NHSL2: variants seen among roughly 807,000 people sequenced by gnomAD.
NHSL2 encodes NHS like 2.
NHSL2 carries 27 observed loss-of-function variants against 53.4 expected under a neutral mutation model. That is an observed-to-expected ratio of 0.51 (90% CI 0.37 to 0.70). The LOEUF (loss-of-function observed/expected upper bound fraction) is 0.70. Among genes scored for constraint, NHSL2 ranks in the 30% least tolerant of loss-of-function variants. NHSL2 has a pLI of 0.00. For synonymous variants in NHSL2, 408 were observed against 404.1 expected, an observed-to-expected ratio of 1.01 and a Z score of -0.12; for missense variants, 892 against 980.1, an observed-to-expected ratio of 0.91 and a Z score of 1.20.
intron 1 of NHSL2, among the ~76,000 whole-genome samples, chrX:71,954,529 G>A (rs1470133811): frequency 4.5e-5 from 5 of 112,210 alleles, no homozygotes; most frequent in African/African-American, 1.3e-4. Context: ...AGCTGATTTT[G>A]CCCTAGTGAG....
intron 2 of NHSL2, 140 bp downstream of exon 2, chrX:72,132,374 C>G: frequency 5.3e-6 from 3 of 563,895 alleles, no homozygotes; most frequent in Non-Finnish European, 8.1e-6. Context: ...CAGTTTCCAG[C>G]TTTCACCTTT....
At chrX:72,131,253 G>A (rs966202483) in intron 1 of NHSL2, 21 of 1,197,337 alleles carry the variant, frequency 1.8e-5, no homozygotes, top group Non-Finnish European at 2.0e-5. Context: ...AGATACAGTC[G>A]GGCTCCGCGC....
At chrX:72,026,619 A>G (rs1226144188) in intron 1 of NHSL2, among the ~76,000 whole-genome samples, 1 of 112,866 alleles carries the variant, frequency 8.9e-6, no homozygotes, top group East Asian at 2.8e-4. Context: ...TTCCTGCAGA[A>G]GGAAATGGGA....
At position 71,992,695 on chromosome X, in the gene NHSL2, C is replaced by T. The variant is rs768217701; in HGVS notation, c.280+81328C>T. Among the ~76,000 whole-genome samples, 10 of 112,582 alleles carry T rather than the reference C, an allele frequency of 8.9e-5. No homozygotes were observed. In the East Asian group the frequency reaches 2.2e-3, roughly 25 times the overall value. On this transcript the variant is annotated intron_variant, in intron 1 of 7. Transcript: ENST00000633930. ...GTTTTCTTTGCATGACTGCCACTAA[C>T]TTATGTCAGCAAGGCGTTAAGTGAG...
At chrX:72,129,865 C>G in intron 1 of NHSL2, 1 of 1,201,636 alleles carries the variant, frequency 8.3e-7, no homozygotes, top group African/African-American at 1.7e-5. Flanking sequence ...AGCTCGGTGG[C>G]CCCCCTGTCT....
intron 4 of NHSL2, among the ~76,000 whole-genome samples, chrX:72,135,288 C>T (rs755478307): frequency 5.4e-5 from 6 of 111,680 alleles, no homozygotes; most frequent in African/African-American, 1.6e-4. Context: ...AAAGGGGACC[C>T]AGTACAATTT....
chrX:71,916,227 G>A (rs750740848), intron 1 of NHSL2, among the ~76,000 whole-genome samples: 6 of 111,816 alleles, frequency 5.4e-5, no homozygotes, highest in Non-Finnish European at 7.5e-5. Flanking sequence ...TGTTATTCTA[G>A]TAGAGGCTGG....
rs763896738 is a variant in NHSL2, at chrX:72,134,650, C to T, written c.706C>T (p.Arg236Trp). 4.2e-5 allele frequency: 49 copies of T among 1,165,994 alleles called. 1 individual carries two copies. In the South Asian group the frequency reaches 4.7e-4, roughly 11 times the overall value. The change falls in exon 4 of 8, where the codon CGG becomes TGG. Residue 236 changes from arginine (R) to tryptophan (W), a missense_variant. Physicochemically the swap from Arg to Trp is moderately radical, Grantham distance 101. Coordinates refer to ENST00000633930, the MANE Select transcript of NHSL2 (RefSeq NM_001013627.3). ...LFPLPILEEKRWPQLCSTQSD... is the reference protein window; with the variant it reads ...LFPLPILEEKWWPQLCSTQSD... ...CCCTCTGCCCATCCTAGAGGAGAAG[C>T]GGTGGCCTCAGCTTTGCTCCACGCA...
At chrX:72,022,752 G>A (rs1280190859) in intron 1 of NHSL2, among the ~76,000 whole-genome samples, 1 of 111,572 alleles carries the variant, frequency 9.0e-6, no homozygotes, top group Non-Finnish European at 1.9e-5. Flanking sequence ...ACCGTATCTG[G>A]TTTTCACAAC....
At chrX:71,987,986 G>A (rs1287280961) in intron 1 of NHSL2, among the ~76,000 whole-genome samples, 2 of 112,560 alleles carry the variant, frequency 1.8e-5, no homozygotes, top group South Asian at 7.3e-4. Flanking sequence ...CTGGATGATG[G>A]CAACCAAGAG....
At chrX:71,984,304 C>T (rs993612324) in intron 1 of NHSL2, among the ~76,000 whole-genome samples, 1 of 111,882 alleles carries the variant, frequency 8.9e-6, no homozygotes, top group Non-Finnish European at 1.9e-5. Context: ...AGAAAACATT[C>T]GGTAAGCTTA....
At chrX:71,947,682 G>A (rs1331865999) in intron 1 of NHSL2, among the ~76,000 whole-genome samples, 1 of 112,199 alleles carries the variant, frequency 8.9e-6, no homozygotes, top group Admixed American at 9.4e-5. Context: ...TGTCTGTAGT[G>A]TCCCTGCTTC....
chrX:71,947,816 T>C (rs2041800239), intron 1 of NHSL2, among the ~76,000 whole-genome samples: 1 of 111,799 alleles, frequency 8.9e-6, no homozygotes, highest in Non-Finnish European at 1.9e-5. Context: ...ACGTCGTATA[T>C]TCTCACTCAT....
At chrX:72,103,142 A>G (rs1370197250) in intron 1 of NHSL2, among the ~76,000 whole-genome samples, 1 of 112,215 alleles carries the variant, frequency 8.9e-6, no homozygotes, top group Non-Finnish European at 1.9e-5. Flanking sequence ...AAGCCCAGGT[A>G]GCTCCTCTTG....
chrX:72,128,105 T>C (rs7472250), intron 1 of NHSL2: 64,524 of 110,493 alleles, frequency 0.58, 16,071 homozygotes, highest in Non-Finnish European at 0.79. Context: ...GTTATAGGAA[T>C]CCAAATCCAC....
At chrX:72,061,589 A>G (rs2042399421) in intron 1 of NHSL2, among the ~76,000 whole-genome samples, 1 of 112,104 alleles carries the variant, frequency 8.9e-6, no homozygotes, top group Non-Finnish European at 1.9e-5. Flanking sequence ...ACTTCCCTCC[A>G]GCCCTTTGTT....
chrX:72,019,405 C>T (rs1423563662), intron 1 of NHSL2, among the ~76,000 whole-genome samples: 2 of 112,266 alleles, frequency 1.8e-5, no homozygotes, highest in Admixed American at 1.9e-4. Flanking sequence ...TAGCTTAGGC[C>T]AGGTACAGAA....
In NHSL2 at chrX:72,140,043, G is replaced by A. The variant is rs189161829; in HGVS notation, c.2495G>A (p.Arg832His). 23 of 1,207,512 alleles carry A rather than the reference G, an allele frequency of 1.9e-5. No individual in the cohort carries two copies. Among genetic ancestry groups the A allele is most frequent in the Middle Eastern group, 4.6e-4 (2 of 4,349 alleles). Residue 832 changes from arginine (R) to histidine (H), a missense_variant, in exon 6 of 8, where the codon CGC becomes CAC. Coordinates refer to ENST00000633930, the MANE Select transcript of NHSL2 (RefSeq NM_001013627.3). Reference protein sequence around the residue: ...MVTQSDLRSVRLRSVSKSEPE... With the variant: ...MVTQSDLRSVHLRSVSKSEPE... ...ACTCAGTCCGACCTACGTTCTGTTC[G>A]CCTGAGGTCGGTCAGCAAGTCTGAG...
chrX:71,961,081 G>A (rs1048775772), intron 1 of NHSL2, among the ~76,000 whole-genome samples: 23 of 111,930 alleles, frequency 2.1e-4, no homozygotes, highest in Non-Finnish European at 1.9e-4. Flanking sequence ...AATTTTCAGT[G>A]TATGAATCTT....
Sources: allele counts gnomAD v4.1 joint callset (sites outside exome capture counted in the v4.1 genomes callset), GRCh38; gene constraint gnomAD v4.1.1; transcripts MANE v1.5; gene names NCBI Gene and HGNC (gene_info 2026-07-23, HGNC 2026-07-21).